The following RBMS3 variants were observed in gnomAD, a reference collection of about 807,000 sequenced individuals.
The protein encoded by RBMS3 is RNA binding motif single stranded interacting protein 3, also known as RNA-binding motif, single-stranded-interacting protein 3.
Under a neutral mutation model 66.8 loss-of-function variants are expected in RBMS3, and 27 were observed. That is an observed-to-expected ratio of 0.40 (90% CI 0.30 to 0.56). The LOEUF (loss-of-function observed/expected upper bound fraction) is 0.56. RBMS3 is among the 20% of genes least tolerant of loss of function. The probability of loss-of-function intolerance (pLI) is 0.40; values close to 1 mark genes in which losing one functional copy is unlikely to be tolerated. For missense variants in RBMS3, 513 were observed against 549.5 expected (o/e 0.93, Z 0.66); for synonymous variants, 188 against 183.0 (o/e 1.03, Z -0.22).
intron 2 of RBMS3, among the ~76,000 whole-genome samples, chr3:29,481,814 A>T (rs1310906456): frequency 6.6e-6 from 1 of 152,204 alleles, no homozygotes; most frequent in Non-Finnish European, 1.5e-5. Context: ...CTAGTGTCTG[A>T]GTTATTATTT....
chr3:29,999,041 C>G (rs547424102), intron 14 of RBMS3, among the ~76,000 whole-genome samples: 55 of 152,182 alleles, frequency 3.6e-4, no homozygotes, highest in Non-Finnish European at 7.5e-4. Flanking sequence ...GGCTAATATC[C>G]AGAATCTACA....
At chr3:29,863,972 GA>G (rs1224882864) in intron 6 of RBMS3, among the ~76,000 whole-genome samples, 1 of 152,096 alleles carries the variant, frequency 6.6e-6, no homozygotes, top group Admixed American at 6.5e-5. Flanking sequence ...AATTGGGAAA[GA>G]CCTGCCTTTT....
chr3:29,302,077 A>C (rs1457504483), intron 1 of RBMS3, among the ~76,000 whole-genome samples: 4 of 151,960 alleles, frequency 2.6e-5, no homozygotes, highest in Non-Finnish European at 5.9e-5. Context: ...TGGTATGGTC[A>C]TGGCTCACTG....
intron 2 of RBMS3, among the ~76,000 whole-genome samples, chr3:29,486,497 C>G (rs17023712): frequency 0.09 from 13,691 of 152,078 alleles, 831 homozygotes; most frequent in African/African-American, 0.17. Flanking sequence ...TTTTTGGACT[C>G]TGTGTGTGAT....
At chr3:29,527,277 G>A (rs1036807822) in intron 3 of RBMS3, among the ~76,000 whole-genome samples, 2 of 143,882 alleles carry the variant, frequency 1.4e-5, no homozygotes, top group Admixed American at 7.0e-5. Context: ...CTAAAATACA[G>A]AATTACAATT....
intron 2 of RBMS3, among the ~76,000 whole-genome samples, chr3:29,478,088 G>A (rs1254090308): frequency 6.6e-6 from 1 of 152,110 alleles, no homozygotes; most frequent in Non-Finnish European, 1.5e-5. Context: ...TTTGGAGGAG[G>A]TTAGAATGAA....
intron 4 of RBMS3, among the ~76,000 whole-genome samples, chr3:29,631,211 CATAAAA>C (rs1175453174): frequency 6.6e-6 from 1 of 151,854 alleles, no homozygotes; most frequent in African/African-American, 2.4e-5. Flanking sequence ...TATATGAGCA[CATAAAA>C]ATAAGAACAT....
intron 3 of RBMS3, among the ~76,000 whole-genome samples, chr3:29,573,279 T>C (rs535106805): frequency 6.6e-6 from 1 of 152,112 alleles, no homozygotes; most frequent in African/African-American, 2.4e-5. Flanking sequence ...TGCCACCCTG[T>C]TTGGCAAATT....
intron 1 of RBMS3, among the ~76,000 whole-genome samples, chr3:29,417,108 AG>A (rs902554414): frequency 6.6e-6 from 1 of 152,044 alleles, no homozygotes; most frequent in Non-Finnish European, 1.5e-5. Flanking sequence ...AAAAAAGGAG[AG>A]GGGATTATTT....
intron 3 of RBMS3, among the ~76,000 whole-genome samples, chr3:29,523,723 T>C (rs1422059873): frequency 4.0e-5 from 6 of 150,990 alleles, no homozygotes; most frequent in Non-Finnish European, 8.9e-5. Context: ...ATAGATGATC[T>C]CTTTTTTTCT....
chr3:29,929,668 GA>G (rs1003660016), intron 10 of RBMS3, among the ~76,000 whole-genome samples: 1 of 151,854 alleles, frequency 6.6e-6, no homozygotes, highest in Non-Finnish European at 1.5e-5. Flanking sequence ...AGAGTACAAG[GA>G]AAAAAATGCT....
chr3:30,005,116 A>AAT lies in RBMS3; in HGVS notation c.*1254_*1255insAT, dbSNP rs36008804. On this transcript the variant is annotated 3_prime_UTR_variant, in exon 15 of 15. Transcript: ENST00000383767. ...TTCTTTTCTTTTTAAAAAAAAAAAAATTTATTTGACCGACATGGCCGGACC... is the reference window on the plus strand; with the variant it reads ...TTCTTTTCTTTTTAAAAAAAAAAAAAATTTTATTTGACCGACATGGCCGGACC... 0.13 allele frequency: 19,153 copies of AAT among 150,738 alleles called. 1,440 individuals carry two copies. Among genetic ancestry groups the AAT allele is most frequent in the Middle Eastern group, 0.18 (54 of 292 alleles). The allele number at this position is 150,738 out of a possible 1,614,324, so 9.3% of individuals were successfully genotyped here.
intron 6 of RBMS3, among the ~76,000 whole-genome samples, chr3:29,773,058 CAACCTT>C (rs1388053043): frequency 6.6e-6 from 1 of 152,012 alleles, no homozygotes; most frequent in African/African-American, 2.4e-5. Context: ...TCTTGGGTCT[CAACCTT>C]AATACTTGCT....
rs867087951 is a variant in RBMS3, at chr3:29,574,967, T to C, written c.308-12147T>C. Among the ~76,000 whole-genome samples, 8 of 152,138 alleles carry C rather than the reference T, an allele frequency of 5.3e-5. No homozygotes were observed. The East Asian group carries it at 5.8e-4, about 11-fold the overall frequency. On this transcript the variant is annotated intron_variant, in intron 3 of 14. Transcript: ENST00000383767. ...GTACTGTCTGTATCTTGAAATGCAA[T>C]TGTAGTTATTGTTTTTGATTGGTTC...
At chr3:29,887,001 T>G (rs1298535031) in intron 8 of RBMS3, among the ~76,000 whole-genome samples, 4 of 151,790 alleles carry the variant, frequency 2.6e-5, no homozygotes, top group Non-Finnish European at 5.9e-5. Flanking sequence ...CACCCAGTCT[T>G]TACTCATCTA....
chr3:29,414,477 C>A (rs116292930), intron 1 of RBMS3, among the ~76,000 whole-genome samples: 103 of 152,280 alleles, frequency 6.8e-4, no homozygotes, highest in African/African-American at 2.4e-3. Flanking sequence ...CTCAGAAATG[C>A]TTTTTCGTGA....
chr3:29,507,025 C>T (rs1267198681), intron 3 of RBMS3, among the ~76,000 whole-genome samples: 1 of 143,690 alleles, frequency 7.0e-6, no homozygotes, highest in Non-Finnish European at 1.5e-5. Context: ...AAAAAAAAAA[C>T]TCTTGGTTTT....
chr3:29,833,293 C>A (rs749157739), intron 6 of RBMS3, among the ~76,000 whole-genome samples: 3 of 152,014 alleles, frequency 2.0e-5, no homozygotes, highest in Non-Finnish European at 4.4e-5. Context: ...CAAAGGAGTA[C>A]AATAATATTC....
At chr3:29,730,852 C>T (rs2054100425) in intron 4 of RBMS3, 1 of 980,484 alleles carries the variant, frequency 1.0e-6, no homozygotes. Context: ...AGAGAGATCT[C>T]AATATTGTAA....
Sources: allele counts gnomAD v4.1 joint callset (sites outside exome capture counted in the v4.1 genomes callset), GRCh38; gene constraint gnomAD v4.1.1; transcripts MANE v1.5; gene names NCBI Gene and HGNC (gene_info 2026-07-23, HGNC 2026-07-21).